Variants in KYAT3 observed in about 807,000 individuals in gnomAD.
The protein encoded by KYAT3 is kynurenine aminotransferase 3.
In KYAT3, 50 loss-of-function variants were observed where a neutral mutation model predicts 59.0. That is an observed-to-expected ratio of 0.85 (90% CI 0.68 to 1.07). KYAT3 has a LOEUF of 1.07. Among genes scored for constraint, KYAT3 ranks in the 50% least tolerant of loss-of-function variants. The probability of loss-of-function intolerance (pLI) is 0.00; values close to 1 mark genes in which losing one functional copy is unlikely to be tolerated. For missense variants in KYAT3, 497 were observed against 533.3 expected (o/e 0.93, Z 0.67); for synonymous variants, 148 against 177.0 (o/e 0.84, Z 1.30).
At chr1:88,932,399 GTAGACTATTGATAGAT>G (rs1490140536), downstream of KYAT3, among the ~76,000 whole-genome samples, 1 of 152,076 alleles carries the variant, frequency 6.6e-6, no homozygotes, top group Non-Finnish European at 1.5e-5. Context: ...CTATTGATTG[GTAGACTATTGATAGAT>G]TAGACTATTG....
At chr1:88,982,360 G>T (rs998234751) in intron 2 of KYAT3, 54 of 747,330 alleles carry the variant, frequency 7.2e-5, no homozygotes, top group Non-Finnish European at 1.3e-5. Flanking sequence ...AACCAGATAG[G>T]AAGTGGTCTT....
intron 5 of KYAT3, among the ~76,000 whole-genome samples, chr1:88,964,161 C>T (rs1308856432): frequency 6.6e-6 from 1 of 152,126 alleles, no homozygotes; most frequent in South Asian, 2.1e-4. Context: ...AAGATCGTGC[C>T]ACTGCACTCC....
At chr1:88,981,683 C>A in intron 2 of KYAT3, 1 of 180,398 alleles carries the variant, frequency 5.5e-6, no homozygotes, top group South Asian at 1.6e-4. Flanking sequence ...TTTGATTTCT[C>A]TTACTGCCAG....
At chr1:88,940,589 T>C (rs1036814920) in intron 13 of KYAT3, among the ~76,000 whole-genome samples, 1 of 152,188 alleles carries the variant, frequency 6.6e-6, no homozygotes, top group South Asian at 2.1e-4. Flanking sequence ...ATACAGTTGA[T>C]GTAGGGTTCA....
chr1:88,960,303 A>T (rs181712378), intron 8 of KYAT3, among the ~76,000 whole-genome samples: 2 of 151,874 alleles, frequency 1.3e-5, no homozygotes, highest in East Asian at 3.9e-4. Context: ...TTCATCTTTC[A>T]TCTTCATTTA....
chr1:88,974,833 C>A (rs1045559920), intron 2 of KYAT3, among the ~76,000 whole-genome samples: 1 of 152,110 alleles, frequency 6.6e-6, no homozygotes, highest in Non-Finnish European at 1.5e-5. Context: ...GTAAACACAC[C>A]AATTAGCACT....
At chr1:88,933,732 A>G (rs954241404), downstream of KYAT3, among the ~76,000 whole-genome samples, 1 of 152,202 alleles carries the variant, frequency 6.6e-6, no homozygotes, top group African/African-American at 2.4e-5. Context: ...CAGGGCTGCA[A>G]AAAGCTGCTT....
At chr1:88,950,708 T>A (rs1364334336) in intron 10 of KYAT3, among the ~76,000 whole-genome samples, 2 of 152,220 alleles carry the variant, frequency 1.3e-5, no homozygotes, top group Non-Finnish European at 2.9e-5. Flanking sequence ...TTTTACTGCT[T>A]CTACCACCCC....
chr1:88,957,021 G>C (rs1675949469), intron 8 of KYAT3, among the ~76,000 whole-genome samples: 1 of 152,148 alleles, frequency 6.6e-6, no homozygotes, highest in Non-Finnish European at 1.5e-5. Context: ...CTAAGCTTCT[G>C]CTTTCTTGAA....
chr1:88,941,932 T>C (rs1185773663), intron 13 of KYAT3, among the ~76,000 whole-genome samples: 2 of 152,256 alleles, frequency 1.3e-5, no homozygotes, highest in Non-Finnish European at 2.9e-5. Flanking sequence ...TATCCTGTTG[T>C]ATTTCATTGA....
the KYAT3 span, among the ~76,000 whole-genome samples, chr1:88,929,047 G>A: frequency 6.6e-6 from 1 of 152,014 alleles, no homozygotes; most frequent in Admixed American, 6.6e-5. Context: ...TGAAGTCTGG[G>A]CAAGAGAAGG....
intron 13 of KYAT3, among the ~76,000 whole-genome samples, chr1:88,941,114 T>C (rs1480987115): frequency 1.3e-5 from 2 of 152,230 alleles, no homozygotes; most frequent in Non-Finnish European, 2.9e-5. Context: ...CTTCTGTTAG[T>C]TTTGTTTACA....
At position 88,987,215 on chromosome 1, in the gene KYAT3, A is replaced by G. The variant is rs76764652; in HGVS notation, c.99+1037T>C. Among the ~76,000 whole-genome samples the G allele has an allele frequency of 2.9e-3, 446 of 152,350 alleles. 23 individuals carry two copies. In the East Asian group the frequency reaches 0.071, roughly 24 times the overall value. The stretch of plus-strand genomic sequence containing the variant: ...TAGTCTAATAAAAGTTCCACAAATG[A>G]GGATTGTGCACACAAATGCCCTTTT... On this transcript the variant is annotated intron_variant, in intron 2 of 13. Coordinates refer to ENST00000260508, the MANE Select transcript of KYAT3 (RefSeq NM_001008661.3).
chr1:88,926,297 G>A, the KYAT3 span, among the ~76,000 whole-genome samples: 2 of 152,112 alleles, frequency 1.3e-5, no homozygotes, highest in African/African-American at 4.8e-5. Context: ...ACAAAGGTCC[G>A]ACCAGACCTA....
intron 13 of KYAT3, among the ~76,000 whole-genome samples, chr1:88,939,321 G>C (rs191140170): frequency 3.3e-5 from 5 of 152,012 alleles, no homozygotes; most frequent in African/African-American, 1.2e-4. Flanking sequence ...GTATGTTTTT[G>C]TCATTCTTTG....
At chr1:88,991,933 T>G (rs549098111) in intron 1 of KYAT3, among the ~76,000 whole-genome samples, 1 of 152,008 alleles carries the variant, frequency 6.6e-6, no homozygotes, top group Non-Finnish European at 1.5e-5. Context: ...AATGTTGGAT[T>G]CTGCTAAGCT....
chr1:88,978,071 A>C (rs1676876755), intron 2 of KYAT3, among the ~76,000 whole-genome samples: 1 of 151,990 alleles, frequency 6.6e-6, no homozygotes, highest in Admixed American at 6.6e-5. Flanking sequence ...GTATGTATAT[A>C]ATATATACAC....
In KYAT3 at chr1:88,982,952, C is replaced by T. The variant is rs759739903; in HGVS notation, c.99+5300G>A. The T allele has an allele frequency of 5.0e-6, 8 of 1,613,890 alleles. No homozygotes were observed. The highest frequency in any genetic ancestry group is 2.2e-5 in the South Asian group (2 of 91,064). On this transcript the variant is annotated intron_variant, in intron 2 of 13. Coordinates refer to ENST00000260508, the MANE Select transcript of KYAT3 (RefSeq NM_001008661.3). ...GGGCCCTCGTGTAAGTGGAGCACTACGTGAGTTACCATAACTCTCATATGA... is the reference window on the plus strand; with the variant it reads ...GGGCCCTCGTGTAAGTGGAGCACTATGTGAGTTACCATAACTCTCATATGA...
intron 8 of KYAT3, among the ~76,000 whole-genome samples, chr1:88,956,558 G>A (rs1029242712): frequency 6.6e-6 from 1 of 152,174 alleles, no homozygotes; most frequent in South Asian, 2.1e-4. Context: ...CACATACAAT[G>A]ACAACTGTAA....
Sources: gnomAD v4.1 joint callset for allele counts (sites outside exome capture counted in the v4.1 genomes callset) on GRCh38, gnomAD v4.1.1 for gene constraint, MANE v1.5 for transcripts, NCBI Gene and HGNC (gene_info 2026-07-23, HGNC 2026-07-21) for gene names.